Variants in SIGLEC9 observed in about 807,000 individuals in gnomAD.
SIGLEC9 encodes the protein sialic acid-binding Ig-like lectin 9.
SIGLEC9 carries 26 observed loss-of-function variants against 38.3 expected under a neutral mutation model. The ratio of observed to expected loss-of-function variants is 0.68; its 90% CI spans 0.50 to 0.94. The LOEUF is 0.94. Ranked by LOEUF, SIGLEC9 falls within the 40% of genes least tolerant of loss-of-function variation. The pLI is 0.00. For missense variants in SIGLEC9, 556 were observed against 585.7 expected (o/e 0.95, Z 0.52); for synonymous variants, 236 against 248.0 (o/e 0.95, Z 0.45).
At chr19:51,126,301 A>C (rs2091978867) in intron 3 of SIGLEC9, among the ~76,000 whole-genome samples, 173 bp downstream of exon 3, 1 of 150,618 alleles carries the variant, frequency 6.6e-6, no homozygotes, top group African/African-American at 2.4e-5. Flanking sequence ...TCCTCCCATC[A>C]CCTCCCTTGG....
chr19:51,126,004 T>C (rs1394354054), intron 2 of SIGLEC9, 77 bp from the exon 3 acceptor site: 1 of 1,583,126 alleles, frequency 6.3e-7, no homozygotes, highest in African/African-American at 1.3e-5. Context: ...TCCCTGTTTA[T>C]GCGGCTCCTG....
chr19:51,134,147 C>CTTTTTTTTTTTTTT (rs71185802), downstream of SIGLEC9, among the ~76,000 whole-genome samples: 2 of 66,506 alleles, frequency 3.0e-5, no homozygotes, highest in Non-Finnish European at 5.3e-5. Flanking sequence ...TCTTTCTTTT[C>CTTTTTTTTTTTTTT]TTTTTTTTTT....
At chr19:51,134,455 C>G (rs962378285), downstream of SIGLEC9, among the ~76,000 whole-genome samples, 1 of 152,118 alleles carries the variant, frequency 6.6e-6, no homozygotes, top group Non-Finnish European at 1.5e-5. Context: ...CTGCGCCCAG[C>G]CAGTCCTAGG....
chr19:51,123,286 C>T (rs560195673), upstream of SIGLEC9, among the ~76,000 whole-genome samples: 6 of 152,292 alleles, frequency 3.9e-5, no homozygotes, highest in Admixed American at 2.6e-4. Context: ...TGTCCTGTCC[C>T]GCCTGAGTTA....
At chr19:51,123,478 T>A (rs2091955887), upstream of SIGLEC9, among the ~76,000 whole-genome samples, 1 of 152,246 alleles carries the variant, frequency 6.6e-6, no homozygotes, top group Admixed American at 6.5e-5. Flanking sequence ...TCAGCCCTTC[T>A]GACCATTGCA....
At chr19:51,124,898 T>TAC (rs1272378014), upstream of SIGLEC9, 8 of 1,537,914 alleles carry the variant, frequency 5.2e-6, no homozygotes, top group Non-Finnish European at 6.1e-6. Context: ...CCTCTAAGTC[T>TAC]TGAGCCCGCA....
downstream of SIGLEC9, among the ~76,000 whole-genome samples, chr19:51,133,785 G>A (rs1471445234): frequency 1.3e-5 from 2 of 151,990 alleles, no homozygotes; most frequent in Non-Finnish European, 1.5e-5. Flanking sequence ...TGTGGCTACT[G>A]AGCACTTGAA....
At chr19:51,121,162 G>T (rs192758094), upstream of SIGLEC9, among the ~76,000 whole-genome samples, 4 of 150,276 alleles carry the variant, frequency 2.7e-5, no homozygotes, top group African/African-American at 9.8e-5. Context: ...GAGTTTTTTT[G>T]TTTTTTGTTT....
At chr19:51,129,767 T>A in intron 6 of SIGLEC9, 124 bp from the exon 7 acceptor site, 1 of 671,870 alleles carries the variant, frequency 1.5e-6, no homozygotes, top group Non-Finnish European at 2.5e-6. Flanking sequence ...CAGGCTGGTC[T>A]CAAACTCCTG....
At chr19:51,127,401 C>T in intron 4 of SIGLEC9, 105 bp downstream of exon 4, 2 of 1,225,054 alleles carry the variant, frequency 1.6e-6, no homozygotes, top group South Asian at 3.1e-5. Context: ...CCGCTCTGGT[C>T]TGTGCTCAGC....
At chr19:51,124,077 C>T (rs1271849838), upstream of SIGLEC9, among the ~76,000 whole-genome samples, 2 of 152,140 alleles carry the variant, frequency 1.3e-5, no homozygotes, top group Non-Finnish European at 2.9e-5. Context: ...TGTGGCTGAG[C>T]GAGACATCGG....
downstream of SIGLEC9, among the ~76,000 whole-genome samples, chr19:51,131,362 C>T (rs557691472): frequency 6.6e-6 from 1 of 152,236 alleles, no homozygotes; most frequent in East Asian, 1.9e-4. Context: ...CCGAGGTGGG[C>T]AGATCACGAG....
At chr19:51,122,163 C>T (rs1279777716), upstream of SIGLEC9, among the ~76,000 whole-genome samples, 1 of 152,164 alleles carries the variant, frequency 6.6e-6, no homozygotes, top group Non-Finnish European at 1.5e-5. The surrounding 1 kb of genome is among the most constrained non-coding windows in gnomAD (Gnocchi z 4.1). Context: ...GCACATCCCT[C>T]GTCCTTCACT....
rs372191378 is a variant in SIGLEC9, at chr19:51,127,827, C to T, written c.1016-122C>T. On this transcript the variant is annotated intron_variant, in intron 4 of 6. Transcript: ENST00000250360. ...TCTCCATGTCCTGCTCTCTCTCATT[C>T]CTGTTCTTTGTGTCTGGAAAGGGGA... 155 of 646,414 alleles carry T rather than the reference C, an allele frequency of 2.4e-4. 1 individual carries two copies. Among genetic ancestry groups the T allele is most frequent in the Middle Eastern group, 1.8e-3 (7 of 3,854 alleles). The allele number at this position is 646,414 out of a possible 1,614,324, so 40.0% of individuals were successfully genotyped here.
downstream of SIGLEC9, among the ~76,000 whole-genome samples, chr19:51,133,418 C>CAAA (rs57292401): frequency 3.8e-5 from 5 of 132,190 alleles, no homozygotes; most frequent in African/African-American, 5.7e-5. Flanking sequence ...ACCAAAAATA[C>CAAA]AAAAAAAAAA....
At chr19:51,120,243 A>T (rs1167086329), upstream of SIGLEC9, 7 of 152,326 alleles carry the variant, frequency 4.6e-5, no homozygotes, top group Non-Finnish European at 8.8e-5. The surrounding 1 kb of genome is among the most constrained non-coding windows in gnomAD (Gnocchi z 4.1). Flanking sequence ...GATGCCAATG[A>T]GGCGGATACA....
intron 6 of SIGLEC9, among the ~76,000 whole-genome samples, chr19:51,129,444 C>T (rs556184783): frequency 6.6e-6 from 1 of 152,056 alleles, no homozygotes; most frequent in Non-Finnish European, 1.5e-5. Context: ...CAGGCGTGAG[C>T]CACTGTGACC....
downstream of SIGLEC9, among the ~76,000 whole-genome samples, chr19:51,131,254 C>T (rs753482830): frequency 9.9e-5 from 15 of 152,166 alleles, no homozygotes; most frequent in Non-Finnish European, 1.8e-4. Flanking sequence ...TGCCCATTTA[C>T]GGCAGCATCA....
At position 51,128,399 on chromosome 19, in the gene SIGLEC9, G is replaced by A. The variant is rs1290943662; in HGVS notation, c.1107-15G>A. On this transcript the variant is annotated splice_polypyrimidine_tract_variant and intron_variant, in intron 5 of 6. Transcript: ENST00000250360. ...ATCTGACCACACTGAAAGGCTCTCT[G>A]GTCTCTTCACTCAGAGTGAGGTCCT... 1.4e-5 allele frequency: 22 copies of A among 1,613,108 alleles called. No homozygotes were observed. The highest frequency in any genetic ancestry group is 1.8e-5 in the Non-Finnish European group (21 of 1,179,174).
Sources: gnomAD v4.1 joint callset for allele counts (sites outside exome capture counted in the v4.1 genomes callset) on GRCh38, gnomAD v4.1.1 for gene constraint, Gnocchi (gnomAD v3.1) non-coding constraint, MANE v1.5 for transcripts, NCBI Gene and HGNC (gene_info 2026-07-23, HGNC 2026-07-21) for gene names.